The following GTF2I variants were observed in gnomAD, a reference collection of about 807,000 sequenced individuals.
GTF2I encodes general transcription factor II-I.
In GTF2I, 12 loss-of-function variants were observed where a neutral mutation model predicts 67.6. That is an observed-to-expected ratio of 0.18 (90% CI 0.11 to 0.29). GTF2I has a LOEUF of 0.29. Among genes scored for constraint, GTF2I ranks in the 10% least tolerant of loss-of-function variants. The pLI is 1.00. For synonymous variants in GTF2I, 149 were observed against 197.0 expected (o/e 0.76, Z 2.04); for missense variants, 271 against 580.1 (o/e 0.47, Z 5.47).
At chr7:74,658,235 C>T (rs1333281913) in intron 1 of GTF2I, among the ~76,000 whole-genome samples, 167 bp downstream of exon 1, 2 of 149,562 alleles carry the variant, frequency 1.3e-5, no homozygotes, top group Admixed American at 6.6e-5. Context: ...GCCCGTGCCG[C>T]CTCCCCCTAC....
Position 74,714,936 on chromosome 7 carries a change from A to T in GTF2I, c.823+20A>T. 6.7e-7 allele frequency: 1 copy of T among 1,482,392 alleles called. No homozygotes were observed. The highest frequency in any genetic ancestry group is 9.3e-7 in the Non-Finnish European group (1 of 1,069,968). 91.8% of individuals were successfully genotyped at this position (1,482,392 alleles called of 1,614,324 possible). ...TGCAAGGTATAATCTTTTCACTTCC[A>T]TTCTCCCACATACTGCTTGTGTTTA... On this transcript the variant is annotated intron_variant, in intron 10 of 34. Coordinates refer to ENST00000573035, the MANE Select transcript of GTF2I (RefSeq NM_032999.4).
intron 1 of GTF2I, chr7:74,687,487 G>T (rs1455528217): frequency 4.6e-6 from 4 of 875,342 alleles, no homozygotes; most frequent in African/African-American, 3.6e-5. Context: ...CCTTCCAAAG[G>T]GCTGGGATTA....
chr7:74,680,002 C>G (rs1431186540), intron 1 of GTF2I, among the ~76,000 whole-genome samples: 7 of 142,722 alleles, frequency 4.9e-5, no homozygotes, highest in African/African-American at 1.8e-4. Flanking sequence ...TCGCTTGAAC[C>G]CGGGAGGCAG....
At chr7:74,719,835 G>A (rs986463404) in intron 12 of GTF2I, among the ~76,000 whole-genome samples, 12 of 152,054 alleles carry the variant, frequency 7.9e-5, no homozygotes, top group Admixed American at 6.6e-4. Flanking sequence ...CAGGAGAATC[G>A]CTTGAACCCT....
chr7:74,699,091 C>A lies in GTF2I; in HGVS notation c.369C>A (p.Cys123Ter). The A allele has an allele frequency of 6.7e-7, 1 of 1,495,258 alleles. No individual in the cohort carries two copies. The highest frequency in any genetic ancestry group is 9.0e-7 in the Non-Finnish European group (1 of 1,115,194). 92.6% of individuals were successfully genotyped at this position (1,495,258 alleles called of 1,614,324 possible). A position where few individuals can be genotyped will look rare whatever the true frequency, so the allele number is the denominator to read the frequency against. The change falls in exon 4 of 35, where the codon TGC becomes TGA. Residue 123 changes from cysteine to a stop codon, truncating the protein, a stop_gained. Transcript: ENST00000573035. LOFTEE classifies it high-confidence loss of function. ...RKTVEDYFCF[C>*]YGKALGKSTV... ...CAGTTGAGGACTATTTCTGCTTTTG[C>A]TATGGTAAAAACAATAGATTTAATT...
At chr7:74,735,788 C>T (rs868933845) in intron 17 of GTF2I, among the ~76,000 whole-genome samples, 563 of 44,166 alleles carry the variant, frequency 0.013, 8 homozygotes, top group South Asian at 0.02. Context: ...CCTGCCTCAG[C>T]GTCCCAAGTA....
intron 1 of GTF2I, among the ~76,000 whole-genome samples, chr7:74,660,774 A>C (rs1437473630): frequency 6.6e-6 from 1 of 151,630 alleles, no homozygotes; most frequent in African/African-American, 2.4e-5. Context: ...GGAGCGCTCC[A>C]CCACGCCCGG....
At chr7:74,659,479 T>A (rs1804278682) in intron 1 of GTF2I, among the ~76,000 whole-genome samples, 1 of 149,392 alleles carries the variant, frequency 6.7e-6, no homozygotes, top group Non-Finnish European at 1.5e-5. Flanking sequence ...AACCTCTGCC[T>A]CCCGGGTTCA....
In GTF2I at chr7:74,725,138, T is replaced by C. The variant is rs139836448; in HGVS notation, c.944-3648T>C. On this transcript the variant is annotated intron_variant, in intron 12 of 34. Coordinates refer to ENST00000573035, the MANE Select transcript of GTF2I (RefSeq NM_032999.4). The stretch of plus-strand genomic sequence containing the variant: ...TAGAGCTTTAGTTGATGTTTTATGC[T>C]TCAGAGTAAAAAGTAATTTTGATCC... Among the ~76,000 whole-genome samples the C allele has an allele frequency of 3.1e-4, 47 of 152,272 alleles. No homozygotes were observed. The East Asian group carries it at 8.9e-3, about 29-fold the overall frequency.
At chr7:74,714,805 C>T in intron 9 of GTF2I, 52 bp from the exon 10 acceptor site, 3 of 1,263,644 alleles carry the variant, frequency 2.4e-6, no homozygotes, top group Non-Finnish European at 3.4e-6. Context: ...AGTCACCCCA[C>T]ATTTTTTTTT....
chr7:74,658,903 C>T (rs1001554958), intron 1 of GTF2I, among the ~76,000 whole-genome samples: 5 of 152,282 alleles, frequency 3.3e-5, no homozygotes, highest in African/African-American at 7.2e-5. Flanking sequence ...CTGTCTCCTT[C>T]CCGCTCCCCG....
At chr7:74,666,556 T>G (rs1028645221) in intron 1 of GTF2I, among the ~76,000 whole-genome samples, 4 of 152,140 alleles carry the variant, frequency 2.6e-5, no homozygotes, top group Non-Finnish European at 4.4e-5. Flanking sequence ...AAATTTTTTT[T>G]GGCTGGGTGT....
chr7:74,705,629 C>T (rs1196955050), intron 7 of GTF2I, among the ~76,000 whole-genome samples: 6 of 150,608 alleles, frequency 4.0e-5, no homozygotes, highest in Non-Finnish European at 7.4e-5. Flanking sequence ...GCGATCTCGG[C>T]TCACTGCAAC....
At chr7:74,749,960 C>T (rs1795700779) in intron 26 of GTF2I, among the ~76,000 whole-genome samples, 1 of 142,542 alleles carries the variant, frequency 7.0e-6, no homozygotes, top group Non-Finnish European at 1.5e-5. Context: ...AGGAGGACTC[C>T]ACCATACTAG....
chr7:74,683,291 G>A (rs1327696438), intron 1 of GTF2I, among the ~76,000 whole-genome samples: 4 of 152,162 alleles, frequency 2.6e-5, no homozygotes, highest in African/African-American at 7.2e-5. Flanking sequence ...AAAAGAGACC[G>A]TAGATTACTT....
chr7:74,734,484 C>T lies in GTF2I; in HGVS notation c.1363+503C>T, dbSNP rs587705002. ...TTGCCCAGGCTGGAGTGCAGTGGTG[C>T]GATCTCCGCTCACTGCAACCTCCCG... On this transcript the variant is annotated intron_variant, in intron 16 of 34. Transcript: ENST00000573035. 4.5e-4 allele frequency among the ~76,000 whole-genome samples: 69 copies of T among 152,000 alleles called. 1 individual carries two copies. The South Asian group carries it at 0.011, about 25-fold the overall frequency.
At chr7:74,706,469 TAAGG>T (rs782725630) in intron 8 of GTF2I, 36 bp downstream of exon 8, 2 of 1,482,120 alleles carry the variant, frequency 1.3e-6, no homozygotes, top group African/African-American at 2.8e-5. Context: ...ATGGTGAAAT[TAAGG>T]AAGACTTTTC....
In GTF2I at chr7:74,683,960, G is replaced by A. The variant is rs112942990; in HGVS notation, c.-5-5164G>A. Among the ~76,000 whole-genome samples, 433 of 151,378 alleles carry A rather than the reference G, an allele frequency of 2.9e-3. 2 individuals carry two copies. Among genetic ancestry groups the A allele is most frequent in the Non-Finnish European group, 5.1e-3 (343 of 67,848 alleles). ...TGGTTTAATTTTTTTTTTCTTCCACGGCCTCTTTTACTGGGAGACCTCTGA... is the reference window on the plus strand; with the variant it reads ...TGGTTTAATTTTTTTTTTCTTCCACAGCCTCTTTTACTGGGAGACCTCTGA... On this transcript the variant is annotated intron_variant, in intron 1 of 34. Coordinates refer to ENST00000573035, the MANE Select transcript of GTF2I (RefSeq NM_032999.4).
intron 1 of GTF2I, among the ~76,000 whole-genome samples, chr7:74,664,554 C>T (rs1804803962): frequency 1.3e-5 from 2 of 152,162 alleles, no homozygotes; most frequent in Non-Finnish European, 2.9e-5. Context: ...CTGCCTCAGT[C>T]TCCTGAGTAG....
Sources: allele counts gnomAD v4.1 joint callset (sites outside exome capture counted in the v4.1 genomes callset), GRCh38; gene constraint gnomAD v4.1.1; transcripts MANE v1.5; gene names NCBI Gene and HGNC (gene_info 2026-07-23, HGNC 2026-07-21).